The following WWOX variants were observed in gnomAD, a reference collection of about 807,000 sequenced individuals.
WWOX encodes WW domain-containing oxidoreductase.
A neutral mutation model predicts 46.2 loss-of-function variants in WWOX; 69 were observed. The ratio of observed to expected loss-of-function variants is 1.49; its 90% CI spans 1.23 to 1.82. The LOEUF (loss-of-function observed/expected upper bound fraction) is 1.82, where lower values mean the gene tolerates loss of function less well. Ranked by LOEUF, WWOX falls within the 40% of genes most tolerant of loss-of-function variation. WWOX has a pLI of 0.00. For missense variants in WWOX, 919 were observed against 542.6 expected (o/e 1.69, Z -6.89); for synonymous variants, 359 against 202.6 (o/e 1.77, Z -6.56).
chr16:78,260,751 C>T (rs1282238175), intron 5 of WWOX, among the ~76,000 whole-genome samples: 1 of 149,848 alleles, frequency 6.7e-6, no homozygotes, highest in Non-Finnish European at 1.5e-5. Context: ...CTAGCCTGGG[C>T]AACATGGTGA....
At chr16:79,173,668 C>T (rs968975065) in intron 8 of WWOX, among the ~76,000 whole-genome samples, 5 of 150,908 alleles carry the variant, frequency 3.3e-5, no homozygotes, top group Admixed American at 2.6e-4. Context: ...CTAGTGAAAC[C>T]TTAGAATCAA....
chr16:78,623,357 A>G (rs1396222731), intron 8 of WWOX, among the ~76,000 whole-genome samples: 3 of 152,022 alleles, frequency 2.0e-5, no homozygotes, highest in Non-Finnish European at 2.9e-5. Flanking sequence ...TTCAGAGGAG[A>G]GATGGGAATT....
intron 8 of WWOX, among the ~76,000 whole-genome samples, chr16:79,006,869 C>A (rs528742250): frequency 4.6e-5 from 7 of 152,302 alleles, no homozygotes; most frequent in African/African-American, 1.4e-4. Flanking sequence ...ATTCCCTCTT[C>A]CGCTTTAAGG....
chr16:78,547,255 C>T (rs1425096914), intron 8 of WWOX, among the ~76,000 whole-genome samples: 5 of 148,342 alleles, frequency 3.4e-5, no homozygotes, highest in African/African-American at 5.1e-5. Context: ...GACACTATAA[C>T]AAATGCTTTG....
chr16:79,014,079 T>C (rs2550725), intron 8 of WWOX, among the ~76,000 whole-genome samples: 94,675 of 152,124 alleles, frequency 0.62, 31,199 homozygotes, highest in East Asian at 0.82. Flanking sequence ...TGAGCAATCG[T>C]CTGCATTTCG....
At chr16:78,248,948 C>T (rs939832356) in intron 5 of WWOX, among the ~76,000 whole-genome samples, 11 of 147,788 alleles carry the variant, frequency 7.4e-5, no homozygotes, top group Non-Finnish European at 1.5e-4. Flanking sequence ...GCTTCACCTC[C>T]TGGGCTCAGG....
At chr16:78,558,928 G>A (rs886340187) in intron 8 of WWOX, among the ~76,000 whole-genome samples, 1 of 152,160 alleles carries the variant, frequency 6.6e-6, no homozygotes, top group Non-Finnish European at 1.5e-5. Context: ...TACAACCATG[G>A]TCATTTTGTG....
intron 8 of WWOX, among the ~76,000 whole-genome samples, chr16:79,114,185 T>C (rs975183630): frequency 6.6e-6 from 1 of 152,066 alleles, no homozygotes; most frequent in African/African-American, 2.4e-5. Flanking sequence ...ATGGGTTGAA[T>C]TGCATCCCCC....
At chr16:78,690,156 C>T (rs762162311) in intron 8 of WWOX, among the ~76,000 whole-genome samples, 22 of 152,244 alleles carry the variant, frequency 1.4e-4, no homozygotes, top group Middle Eastern at 3.4e-3. Flanking sequence ...CCACCGAGCC[C>T]GGCCAGGATA....
intron 8 of WWOX, among the ~76,000 whole-genome samples, chr16:78,488,667 G>A (rs1010997409): frequency 7.2e-5 from 11 of 152,168 alleles, no homozygotes; most frequent in Non-Finnish European, 1.5e-4. Context: ...GACAGTGGCT[G>A]TAGGGGAGGG....
chr16:78,965,440 G>T (rs1345578376), intron 8 of WWOX, among the ~76,000 whole-genome samples: 1 of 151,966 alleles, frequency 6.6e-6, no homozygotes, highest in African/African-American at 2.4e-5. Flanking sequence ...CATGGTGGCA[G>T]GCACTTGTAA....
chr16:78,296,551 G>T (rs569820446), intron 5 of WWOX, among the ~76,000 whole-genome samples: 1 of 150,976 alleles, frequency 6.6e-6, no homozygotes, highest in East Asian at 1.9e-4. Context: ...AAAATTACAT[G>T]TAGTACATGT....
chr16:78,717,574 C>G (rs2048593051), intron 8 of WWOX, among the ~76,000 whole-genome samples: 1 of 152,110 alleles, frequency 6.6e-6, no homozygotes, highest in Non-Finnish European at 1.5e-5. Flanking sequence ...AGAAGGTTTC[C>G]TGGTGGAAGA....
chr16:79,084,075 A>G (rs1205883586), intron 8 of WWOX, among the ~76,000 whole-genome samples: 1 of 152,158 alleles, frequency 6.6e-6, no homozygotes, highest in Non-Finnish European at 1.5e-5. Context: ...TTCTTGATTT[A>G]CATGGTGGTG....
rs901115269 is a variant in WWOX, at chr16:78,099,743, G to A, written c.-36G>A. The A allele has an allele frequency of 3.3e-6, 5 of 1,517,496 alleles. No homozygotes were observed. Among genetic ancestry groups the A allele is most frequent in the Non-Finnish European group, 4.4e-6 (5 of 1,133,244 alleles). The allele number at this position is 1,517,496 out of a possible 1,614,324, so 94.0% of individuals were successfully genotyped here. On this transcript the variant is annotated 5_prime_UTR_variant, in exon 1 of 9. Transcript: ENST00000566780. Reference sequence around the variant, plus strand: ...TTCCTGAGCGAGTGGACCCGGCAGCGGGCGATAGGGGGGCCAGGTGCCTCC... The same window carrying A: ...TTCCTGAGCGAGTGGACCCGGCAGCAGGCGATAGGGGGGCCAGGTGCCTCC...
At chr16:78,829,145 C>T (rs569726402) in intron 8 of WWOX, among the ~76,000 whole-genome samples, 1 of 151,384 alleles carries the variant, frequency 6.6e-6, no homozygotes, top group Admixed American at 6.6e-5. Context: ...GAGAGAGAGA[C>T]AGATAGGCAG....
intron 8 of WWOX, among the ~76,000 whole-genome samples, chr16:78,477,262 C>G (rs372758310): frequency 6.6e-6 from 1 of 152,024 alleles, no homozygotes; most frequent in Non-Finnish European, 1.5e-5. Context: ...TCTAGATTAC[C>G]TATTGATTTT....
chr16:78,791,018 C>CA (rs775592585), intron 8 of WWOX, among the ~76,000 whole-genome samples: 9,364 of 62,140 alleles, frequency 0.15, 907 homozygotes, highest in African/African-American at 0.17. Context: ...GACCCTGTCT[C>CA]AAAAAAAAAA....
At chr16:79,065,596 G>A (rs533601355) in intron 8 of WWOX, among the ~76,000 whole-genome samples, 2 of 152,206 alleles carry the variant, frequency 1.3e-5, no homozygotes, top group South Asian at 2.1e-4. Context: ...GTTATCTACA[G>A]GAATAATTGG....
Sources: allele counts gnomAD v4.1 joint callset (sites outside exome capture counted in the v4.1 genomes callset), GRCh38; gene constraint gnomAD v4.1.1; transcripts MANE v1.5; gene names NCBI Gene and HGNC (gene_info 2026-07-23, HGNC 2026-07-21).